The following WSB2 variants were observed in gnomAD, a reference collection of about 807,000 sequenced individuals.
WSB2 encodes the protein WD repeat and SOCS box containing 2, also known as WD repeat and SOCS box-containing protein 2.
A neutral mutation model predicts 48.8 loss-of-function variants in WSB2; 12 were observed. That is an observed-to-expected ratio of 0.25 (90% CI 0.16 to 0.40). WSB2 has a LOEUF of 0.40. Ranked by LOEUF, WSB2 falls within the 10% of genes least tolerant of loss-of-function variation. The pLI is 1.00. For missense variants in WSB2, 317 were observed against 506.2 expected (o/e 0.63, Z 3.59); for synonymous variants, 191 against 203.1 (o/e 0.94, Z 0.51).
In WSB2 at chr12:118,059,277, T is replaced by C. The variant is rs532070510; in HGVS notation, c.13+1759A>G. Among the ~76,000 whole-genome samples the C allele has an allele frequency of 1.7e-3, 257 of 152,318 alleles. 1 individual carries two copies. Among genetic ancestry groups the C allele is most frequent in the African/African-American group, 5.8e-3 (241 of 41,568 alleles). On this transcript the variant is annotated intron_variant, in intron 1 of 8. Coordinates refer to ENST00000315436, the MANE Select transcript of WSB2 (RefSeq NM_018639.5). ...GCAGGAATATTTTAGACATGTTGTA[T>C]TGAAAGAGTTTTTAAATTGTCACCT... is the stretch of plus-strand genomic sequence containing the variant.
chr12:118,048,753 A>G (rs2031792694), intron 2 of WSB2, among the ~76,000 whole-genome samples: 2 of 152,196 alleles, frequency 1.3e-5, no homozygotes, highest in Admixed American at 6.5e-5. Context: ...ATATTCATCT[A>G]TACAAATTTA....
chr12:118,036,844 G>A (rs927806704), intron 5 of WSB2, among the ~76,000 whole-genome samples: 7 of 152,184 alleles, frequency 4.6e-5, no homozygotes, highest in Non-Finnish European at 1.0e-4. Context: ...AGTCGTATGT[G>A]CTGATGAAGA....
At chr12:118,047,778 G>C (rs182347379) in intron 2 of WSB2, among the ~76,000 whole-genome samples, 1 of 152,216 alleles carries the variant, frequency 6.6e-6, no homozygotes, top group African/African-American at 2.4e-5. Flanking sequence ...AGCGAAACAT[G>C]GGAGAAATGT....
intron 1 of WSB2, among the ~76,000 whole-genome samples, chr12:118,057,336 G>A (rs938670267): frequency 6.6e-6 from 1 of 151,278 alleles, no homozygotes; most frequent in African/African-American, 2.4e-5. Flanking sequence ...GTGCAGTGGC[G>A]CCATCTCGGC....
Position 118,061,136 on chromosome 12 carries a change from C to T in WSB2, c.-88G>A, listed in dbSNP as rs1377034709. 6.5e-5 allele frequency: 64 copies of T among 981,608 alleles called. No individual in the cohort carries two copies. The highest frequency in any genetic ancestry group is 1.3e-4 in the Admixed American group (2 of 15,872). The allele number at this position is 981,608 out of a possible 1,614,324, so 60.8% of individuals were successfully genotyped here. A position where few individuals can be genotyped will look rare whatever the true frequency, so the allele number is the denominator to read the frequency against. ...TCATGCCGCCCCCGCGCCGCCCGCC[C>T]CGGCCAGGCCGCCGCCGCCGCCCGG... On this transcript the variant is annotated 5_prime_UTR_variant, in exon 1 of 9. Transcript: ENST00000315436.
Position 118,038,367 on chromosome 12 carries a change from G to A in WSB2, c.581C>T (p.Ser194Leu), listed in dbSNP as rs201689442. ...GCAGTAAACCCACTGCAGGTGGCCC[G>A]ATAACACTTGAATCTGTTTACCTGG... is the stretch of plus-strand genomic sequence containing the variant. Reference protein sequence around the residue: ...NKHGKQIQVLSGHLQWVYCCS... With the variant: ...NKHGKQIQVLLGHLQWVYCCS... Residue 194 changes from serine (S) to leucine (L), a missense_variant, in exon 5 of 9, where the codon TCG becomes TTG. This residue lies in a region of WSB2 where 189 missense variants were observed against 349.6 expected (regional missense o/e 0.54). Coordinates refer to ENST00000315436, the MANE Select transcript of WSB2 (RefSeq NM_018639.5). 6.2e-7 allele frequency: 1 copy of A among 1,614,072 alleles called. No individual in the cohort carries two copies. The highest frequency in any genetic ancestry group is 2.2e-5 in the East Asian group (1 of 44,868).
intron 2 of WSB2, among the ~76,000 whole-genome samples, chr12:118,044,155 C>T (rs763690791): frequency 1.6e-4 from 24 of 152,080 alleles, no homozygotes; most frequent in Non-Finnish European, 7.4e-5. Context: ...ACAGGCTATA[C>T]TGGCCATGGC....
chr12:118,032,800 C>T lies in WSB2; in HGVS notation c.*1396G>A, dbSNP rs934565246. 5.9e-5 allele frequency: 9 copies of T among 152,270 alleles called. No homozygotes were observed. The highest frequency in any genetic ancestry group is 1.0e-4 in the Non-Finnish European group (7 of 68,076). 9.4% of individuals were successfully genotyped at this position (152,270 alleles called of 1,614,324 possible). The stretch of plus-strand genomic sequence containing the variant: ...TCAAGCAGTCCTCCCACCTCAGCCT[C>T]CCAAAGTGCTGGGATTACAGGCATG... On this transcript the variant is annotated 3_prime_UTR_variant, in exon 9 of 9. Transcript: ENST00000315436.
chr12:118,053,742 C>A (rs2137794976), intron 1 of WSB2, among the ~76,000 whole-genome samples: 1 of 152,258 alleles, frequency 6.6e-6, no homozygotes, highest in Admixed American at 6.5e-5. Context: ...ACCATTATGA[C>A]TGTGATACTT....
At chr12:118,040,191 A>G (rs776519153) in intron 4 of WSB2, among the ~76,000 whole-genome samples, 1 of 151,974 alleles carries the variant, frequency 6.6e-6, no homozygotes, top group Non-Finnish European at 1.5e-5. Flanking sequence ...AAGGTCAATC[A>G]TGGTTTCTTC....
chr12:118,036,588 C>T (rs939112965), intron 5 of WSB2, 78 bp from the exon 6 acceptor site: 1 of 1,450,594 alleles, frequency 6.9e-7, no homozygotes, highest in Non-Finnish European at 9.3e-7. Flanking sequence ...AAAGGTACCA[C>T]CACCAAATCT....
At chr12:118,043,011 G>A (rs776127878) in intron 3 of WSB2, 39 bp from the exon 4 acceptor site, 2 of 1,613,706 alleles carry the variant, frequency 1.2e-6, no homozygotes, top group Non-Finnish European at 8.5e-7. Context: ...GCCAGAGAGG[G>A]GGCACGAGGT....
At chr12:118,042,537 A>G in intron 4 of WSB2, 1 of 264,624 alleles carries the variant, frequency 3.8e-6, no homozygotes, top group Non-Finnish European at 7.1e-6. Context: ...AAATCTTAAC[A>G]TTTTTTTACA....
intron 2 of WSB2, among the ~76,000 whole-genome samples, chr12:118,049,363 T>C (rs779209168): frequency 3.3e-5 from 5 of 152,190 alleles, no homozygotes; most frequent in Non-Finnish European, 7.3e-5. Context: ...ACTAATTTCA[T>C]GATGAAGATC....
intron 2 of WSB2, among the ~76,000 whole-genome samples, chr12:118,048,051 T>C (rs1219424601): frequency 1.3e-5 from 2 of 152,076 alleles, no homozygotes; most frequent in Non-Finnish European, 2.9e-5. Flanking sequence ...CTCAGCCTCC[T>C]GAGTAGCTAG....
At chr12:118,062,000 G>T, upstream of WSB2, 1 of 1,150,882 alleles carries the variant, frequency 8.7e-7, no homozygotes, top group Non-Finnish European at 1.2e-6. Context: ...AACACGGGGC[G>T]GTGGGGAGAG....
chr12:118,047,602 CT>C (rs1445542686), intron 2 of WSB2, among the ~76,000 whole-genome samples: 1 of 152,154 alleles, frequency 6.6e-6, no homozygotes, highest in Non-Finnish European at 1.5e-5. Flanking sequence ...GCGGCTACGC[CT>C]TTAGGAAGCT....
In WSB2 at chr12:118,038,455, A is replaced by G; in HGVS notation, c.560-67T>C. 6 of 1,502,764 alleles carry G rather than the reference A, an allele frequency of 4.0e-6. No individual in the cohort carries two copies. In the South Asian group the frequency reaches 7.1e-5, roughly 18 times the overall value. The allele number at this position is 1,502,764 out of a possible 1,614,324, so 93.1% of individuals were successfully genotyped here. On this transcript the variant is annotated intron_variant, in intron 4 of 8. Coordinates refer to ENST00000315436, the MANE Select transcript of WSB2 (RefSeq NM_018639.5). ...AAGCAGGAAGACTGGAGAACGGGAG[A>G]ACTGGGGTGGTAACAGCCCCCAGCC...
intron 6 of WSB2, 141 bp downstream of exon 6, chr12:118,036,197 G>C: frequency 9.8e-7 from 1 of 1,023,828 alleles, no homozygotes; most frequent in Non-Finnish European, 1.4e-6. Flanking sequence ...GCGAGACTCC[G>C]TCTCAAAAGA....
Sources: gnomAD v4.1 joint callset for allele counts (sites outside exome capture counted in the v4.1 genomes callset) on GRCh38, gnomAD v4.1.1 for gene constraint, gnomAD v4.1.1 regional missense constraint, MANE v1.5 for transcripts, NCBI Gene and HGNC (gene_info 2026-07-23, HGNC 2026-07-21) for gene names.